The following KCNAB1 variants were observed in gnomAD, a reference collection of about 807,000 sequenced individuals.
KCNAB1 encodes the protein potassium voltage-gated channel subfamily A regulatory beta subunit 1, also known as voltage-gated potassium channel subunit beta-1.
In KCNAB1, 35 loss-of-function variants were observed where a neutral mutation model predicts 64.6. That is an observed-to-expected ratio of 0.54 (90% CI 0.41 to 0.72). KCNAB1 has a LOEUF of 0.72. Among genes scored for constraint, KCNAB1 ranks in the 30% least tolerant of loss-of-function variants. The pLI, the probability that KCNAB1 is intolerant of heterozygous loss-of-function variation, is 0.00. For synonymous variants in KCNAB1, 177 were observed against 183.8 expected (o/e 0.96, Z 0.30); for missense variants, 401 against 512.9 (o/e 0.78, Z 2.11).
At chr3:156,409,218 T>C (rs1407022832) in intron 1 of KCNAB1, among the ~76,000 whole-genome samples, 1 of 152,232 alleles carries the variant, frequency 6.6e-6, no homozygotes, top group South Asian at 2.1e-4. Context: ...AATTCTGTCA[T>C]CTAAATCTTG....
In KCNAB1 at chr3:156,275,943, G is replaced by T. The variant is rs188542237; in HGVS notation, c.276-145673G>T. The stretch of plus-strand genomic sequence containing the variant: ...CTATAAATCACAAATGTTCTTAATG[G>T]CATCTAGAATGGTGAGTTTTTTTTT... On this transcript the variant is annotated intron_variant, in intron 1 of 13. Transcript: ENST00000490337. Among the ~76,000 whole-genome samples the T allele has an allele frequency of 2.6e-3, 389 of 151,814 alleles. 3 individuals are homozygous for T. The highest frequency in any genetic ancestry group is 4.8e-3 in the Non-Finnish European group (324 of 67,942).
intron 1 of KCNAB1, among the ~76,000 whole-genome samples, chr3:156,155,733 G>A (rs1340647451): frequency 1.3e-5 from 2 of 152,206 alleles, no homozygotes; most frequent in Admixed American, 1.3e-4. Context: ...AGAATTGAAA[G>A]TTCAGGAGGT....
chr3:156,511,974 C>T (rs1412552172), intron 8 of KCNAB1, among the ~76,000 whole-genome samples: 1 of 152,200 alleles, frequency 6.6e-6, no homozygotes, highest in African/African-American at 2.4e-5. Context: ...GCCTCGAATG[C>T]TCTTCCACTG....
At chr3:156,362,853 T>C (rs1399340636) in intron 1 of KCNAB1, among the ~76,000 whole-genome samples, 3 of 152,266 alleles carry the variant, frequency 2.0e-5, no homozygotes, top group Non-Finnish European at 4.4e-5. Context: ...GGTCTTCTAT[T>C]GGTAAATTCA....
At chr3:156,182,046 T>C (rs1231550273) in intron 1 of KCNAB1, among the ~76,000 whole-genome samples, 1 of 152,214 alleles carries the variant, frequency 6.6e-6, no homozygotes, top group African/African-American at 2.4e-5. Context: ...GTATTCCTTC[T>C]TTTTAGTATT....
intron 1 of KCNAB1, among the ~76,000 whole-genome samples, chr3:156,303,727 A>G (rs1233836087): frequency 6.6e-6 from 1 of 152,206 alleles, no homozygotes. Context: ...AACAGTGCAC[A>G]TCAAGCCCCT....
At position 156,395,024 on chromosome 3, in the gene KCNAB1, G is replaced by A. The variant is rs547682704; in HGVS notation, c.276-26592G>A. Among the ~76,000 whole-genome samples, 10 of 152,276 alleles carry A rather than the reference G, an allele frequency of 6.6e-5. No homozygotes were observed. The South Asian group carries it at 1.7e-3, about 25-fold the overall frequency. ...TGCATTCTATTTCATATAACCTTCA[G>A]ACATGAAGTAGAGCTTCCCTAAATT... is the stretch of plus-strand genomic sequence containing the variant. On this transcript the variant is annotated intron_variant, in intron 1 of 13. Coordinates refer to ENST00000490337, the MANE Select transcript of KCNAB1 (RefSeq NM_172160.3).
In KCNAB1 at chr3:156,150,543, A is replaced by G. The variant is rs144848053; in HGVS notation, c.275+29657A>G. ...AAGTTGTTGACAGCGGTTTCGTCTG[A>G]AAAAAAGTGAGCATTTTGAAATCTG... On this transcript the variant is annotated intron_variant, in intron 1 of 13. Coordinates refer to ENST00000490337, the MANE Select transcript of KCNAB1 (RefSeq NM_172160.3). Among the ~76,000 whole-genome samples the G allele has an allele frequency of 3.1e-3, 478 of 152,242 alleles. 3 individuals are homozygous for G. Among genetic ancestry groups the G allele is most frequent in the African/African-American group, 0.011 (442 of 41,528 alleles).
intron 1 of KCNAB1, among the ~76,000 whole-genome samples, chr3:156,131,063 C>T (rs1209937137): frequency 6.6e-6 from 1 of 152,236 alleles, no homozygotes; most frequent in Non-Finnish European, 1.5e-5. Context: ...ATCTCCTTCT[C>T]ATCCTAGCTC....
chr3:156,437,694 CAGA>C (rs1307774019), intron 2 of KCNAB1, among the ~76,000 whole-genome samples: 8 of 152,240 alleles, frequency 5.3e-5, no homozygotes, highest in East Asian at 1.9e-4. Context: ...GGGATTTTTG[CAGA>C]AGGTTAGTAG....
At chr3:156,326,432 A>G (rs919919550) in intron 1 of KCNAB1, among the ~76,000 whole-genome samples, 2 of 152,090 alleles carry the variant, frequency 1.3e-5, no homozygotes, top group Admixed American at 1.3e-4. Flanking sequence ...GGAGGTGCCC[A>G]CTCTGATCCC....
chr3:156,263,307 C>A (rs541072140), intron 1 of KCNAB1, among the ~76,000 whole-genome samples: 203 of 152,000 alleles, frequency 1.3e-3, no homozygotes, highest in Non-Finnish European at 2.3e-3. Context: ...AGCTGCTTCC[C>A]ATAAATTATT....
At chr3:156,524,139 T>C in intron 12 of KCNAB1, 192 bp downstream of exon 12, 1 of 536,692 alleles carries the variant, frequency 1.9e-6, no homozygotes, top group South Asian at 3.0e-5. Flanking sequence ...TAGCAAATTT[T>C]TCTTACTTCT....
intron 1 of KCNAB1, among the ~76,000 whole-genome samples, chr3:156,346,071 G>A (rs552183408): frequency 2.7e-4 from 40 of 150,916 alleles, no homozygotes; most frequent in African/African-American, 8.8e-4. Flanking sequence ...GGTCTGATGT[G>A]TAAGTTTTCC....
intron 1 of KCNAB1, among the ~76,000 whole-genome samples, chr3:156,214,603 T>G (rs887001779): frequency 6.6e-6 from 1 of 152,212 alleles, no homozygotes; most frequent in Non-Finnish European, 1.5e-5. Flanking sequence ...TGAGAGCAGA[T>G]AGTTACCTGA....
intron 12 of KCNAB1, among the ~76,000 whole-genome samples, chr3:156,528,174 C>CAA (rs3085733): frequency 0.058 from 8,133 of 140,616 alleles, 291 homozygotes; most frequent in Non-Finnish European, 0.079. Context: ...ATAATGCAGT[C>CAA]AAAAAAAAAA....
intron 2 of KCNAB1, among the ~76,000 whole-genome samples, chr3:156,423,220 C>T (rs951727527): frequency 2.0e-5 from 3 of 152,090 alleles, no homozygotes; most frequent in African/African-American, 4.8e-5. Flanking sequence ...TGCTTTTGCA[C>T]GTGGAAGAAA....
At chr3:156,527,786 C>A (rs1343195386) in intron 12 of KCNAB1, among the ~76,000 whole-genome samples, 3 of 152,146 alleles carry the variant, frequency 2.0e-5, no homozygotes, top group Non-Finnish European at 4.4e-5. Flanking sequence ...TATCTTTGAT[C>A]TGCTAGGAGA....
chr3:156,170,702 C>G (rs1711913414), intron 1 of KCNAB1, among the ~76,000 whole-genome samples: 1 of 152,094 alleles, frequency 6.6e-6, no homozygotes, highest in Non-Finnish European at 1.5e-5. Flanking sequence ...TCCAGTTAGC[C>G]ATAATGCTCC....
Sources: gnomAD v4.1 joint callset for allele counts (sites outside exome capture counted in the v4.1 genomes callset) on GRCh38, gnomAD v4.1.1 for gene constraint, MANE v1.5 for transcripts, NCBI Gene and HGNC (gene_info 2026-07-23, HGNC 2026-07-21) for gene names.